The following CDH18 variants were observed in gnomAD, a reference collection of about 807,000 sequenced individuals.
CDH18 encodes the protein cadherin-18.
In CDH18, 31 loss-of-function variants were observed where a neutral mutation model predicts 67.9. The observed-to-expected ratio is 0.46, with a 90% CI of 0.34 to 0.62. The LOEUF is 0.62. Ranked by LOEUF, CDH18 falls within the 20% of genes least tolerant of loss-of-function variation. The pLI is 0.01. For synonymous variants in CDH18, 362 were observed against 347.2 expected, an observed-to-expected ratio of 1.04 and a Z score of -0.48; for missense variants, 890 against 975.5, an observed-to-expected ratio of 0.91 and a Z score of 1.17.
intron 1 of CDH18, among the ~76,000 whole-genome samples, chr5:20,465,735 AATTTCTTTTT>A (rs1751589922): frequency 6.6e-6 from 1 of 151,954 alleles, no homozygotes; most frequent in African/African-American, 2.4e-5. Flanking sequence ...TACTGATCAT[AATTTCTTTTT>A]TCTGAGAAAC....
chr5:19,641,662 T>C (rs565261890), intron 5 of CDH18, among the ~76,000 whole-genome samples: 3 of 152,068 alleles, frequency 2.0e-5, no homozygotes, highest in Admixed American at 6.5e-5. Context: ...AAAATAGGTA[T>C]AGAAAGAAGC....
chr5:20,478,639 GGAA>G (rs1752594675), intron 1 of CDH18, among the ~76,000 whole-genome samples: 1 of 152,030 alleles, frequency 6.6e-6, no homozygotes, highest in African/African-American at 2.4e-5. Context: ...ACTGGCTCCT[GGAA>G]GGCATTCTAG....
At chr5:19,558,969 T>C (rs1738951460) in intron 8 of CDH18, among the ~76,000 whole-genome samples, 1 of 152,112 alleles carries the variant, frequency 6.6e-6, no homozygotes. Flanking sequence ...GTTTTCTAGT[T>C]TACTATGAAC....
At chr5:20,211,875 C>CG in intron 2 of CDH18, among the ~76,000 whole-genome samples, 1 of 15,366 alleles carries the variant, frequency 6.5e-5, no homozygotes, top group South Asian at 1.7e-3. Flanking sequence ...CACCTCTTCT[C>CG]TCCAAAGGAA....
chr5:19,999,579 G>A (rs1425067296), intron 2 of CDH18, among the ~76,000 whole-genome samples: 1 of 152,000 alleles, frequency 6.6e-6, no homozygotes, highest in African/African-American at 2.4e-5. Flanking sequence ...TCCAGGCTGG[G>A]CAAAAAGAAT....
At chr5:19,922,747 T>C (rs1047723330) in intron 2 of CDH18, among the ~76,000 whole-genome samples, 1 of 152,188 alleles carries the variant, frequency 6.6e-6, no homozygotes, top group Non-Finnish European at 1.5e-5. Flanking sequence ...GACATTTATT[T>C]TTCCATTATT....
At chr5:20,253,831 T>C (rs572400182) in intron 2 of CDH18, among the ~76,000 whole-genome samples, 16 of 152,128 alleles carry the variant, frequency 1.1e-4, no homozygotes, top group Non-Finnish European at 2.2e-4. Flanking sequence ...TATTTGAAGA[T>C]ATAGTCCACA....
intron 5 of CDH18, among the ~76,000 whole-genome samples, chr5:19,661,100 T>C (rs1489092425): frequency 1.3e-5 from 2 of 151,932 alleles, no homozygotes; most frequent in African/African-American, 4.8e-5. Context: ...GTGACAAGCA[T>C]ATCGATTACA....
intron 3 of CDH18, among the ~76,000 whole-genome samples, chr5:19,830,063 A>G (rs1581542494): frequency 6.6e-6 from 1 of 152,214 alleles, no homozygotes; most frequent in Admixed American, 6.5e-5. Context: ...GGATTTAAAT[A>G]TAAAATCTAA....
At chr5:20,361,717 T>C (rs1020040757) in intron 1 of CDH18, among the ~76,000 whole-genome samples, 10 of 152,256 alleles carry the variant, frequency 6.6e-5, no homozygotes, top group African/African-American at 2.2e-4. Context: ...TAATACTGTA[T>C]CTATATTATC....
intron 2 of CDH18, among the ~76,000 whole-genome samples, chr5:19,902,035 A>G (rs1421461296): frequency 1.3e-5 from 2 of 152,156 alleles, no homozygotes; most frequent in Non-Finnish European, 1.5e-5. Flanking sequence ...AAACATGTAC[A>G]TTAAATCACA....
At chr5:20,359,994 T>A (rs1244881846) in intron 1 of CDH18, among the ~76,000 whole-genome samples, 1 of 148,478 alleles carries the variant, frequency 6.7e-6, no homozygotes, top group Non-Finnish European at 1.5e-5. Context: ...TTATCAGTAA[T>A]GATCAGTAGT....
chr5:20,241,570 G>A (rs950720965), intron 2 of CDH18, among the ~76,000 whole-genome samples: 1 of 151,990 alleles, frequency 6.6e-6, no homozygotes, highest in Non-Finnish European at 1.5e-5. Flanking sequence ...TATAGAAATC[G>A]GCCGGGTGGG....
intron 1 of CDH18, among the ~76,000 whole-genome samples, chr5:20,403,502 T>G (rs556869023): frequency 6.6e-6 from 1 of 152,216 alleles, no homozygotes; most frequent in Non-Finnish European, 1.5e-5. Context: ...TCAATAGACA[T>G]GAAAACAACA....
chr5:20,460,510 G>A (rs1751187155), intron 1 of CDH18, among the ~76,000 whole-genome samples: 1 of 152,122 alleles, frequency 6.6e-6, no homozygotes, highest in Non-Finnish European at 1.5e-5. Context: ...CCATGAGCAT[G>A]ATGGTGACTG....
intron 1 of CDH18, among the ~76,000 whole-genome samples, chr5:20,371,443 C>A (rs943813798): frequency 6.6e-6 from 1 of 152,118 alleles, no homozygotes; most frequent in Non-Finnish European, 1.5e-5. Flanking sequence ...CAATGGGAGA[C>A]TTTCTTTGGA....
intron 3 of CDH18, among the ~76,000 whole-genome samples, chr5:19,818,787 A>G (rs1053665585): frequency 6.6e-6 from 1 of 152,220 alleles, no homozygotes; most frequent in African/African-American, 2.4e-5. Context: ...AATATGCACT[A>G]TAGTCCATCA....
chr5:19,843,192 A>T (rs905538520), intron 2 of CDH18, among the ~76,000 whole-genome samples: 2 of 152,146 alleles, frequency 1.3e-5, no homozygotes, highest in African/African-American at 4.8e-5. Flanking sequence ...ATCCCCTCCC[A>T]TCTAAGGCCC....
rs114928780 is a variant in CDH18, at chr5:20,495,411, G to C, written c.-580+80051C>G. ...ACAACAAAAAAGAATGCTTAAAGCA[G>C]TGCCCAGGTTAGGATTATTCTAAAG... On this transcript the variant is annotated intron_variant, in intron 1 of 14. Transcript: ENST00000507958. Among the ~76,000 whole-genome samples, 1,020 of 152,212 alleles carry C rather than the reference G, an allele frequency of 6.7e-3. 16 individuals are homozygous for C. The highest frequency in any genetic ancestry group is 0.039 in the South Asian group (188 of 4,818).
Sources: gnomAD v4.1 joint callset for allele counts (sites outside exome capture counted in the v4.1 genomes callset) on GRCh38, gnomAD v4.1.1 for gene constraint, MANE v1.5 for transcripts, NCBI Gene and HGNC (gene_info 2026-07-23, HGNC 2026-07-21) for gene names.